DRC12: variants seen among roughly 807,000 people sequenced by gnomAD.
DRC12 encodes the protein dynein regulatory complex subunit 12 homolog.
the DRC12 span, chr11:119,190,702 G>T: frequency 2.5e-6 from 4 of 1,612,300 alleles, no homozygotes; most frequent in Middle Eastern, 1.6e-4. This position sits in a 1 kb window ranked among gnomAD's most constrained non-coding sequence, Gnocchi z 4.2. Context: ...CCAGGGGGTG[G>T]TGCTTACGTG....
At chr11:119,191,104 CTT>C in the DRC12 span, among the ~76,000 whole-genome samples, 117 of 143,334 alleles carry the variant, frequency 8.2e-4, no homozygotes, top group Non-Finnish European at 8.4e-4. Flanking sequence ...GTGTCTTCAT[CTT>C]TTTTTTTTTT....
chr11:119,191,048 G>A, the DRC12 span, among the ~76,000 whole-genome samples: 6 of 152,072 alleles, frequency 3.9e-5, no homozygotes, highest in South Asian at 2.1e-4. Context: ...CTCCAAAGTC[G>A]GATTACTACC....
At chr11:119,193,570 C>T in the DRC12 span, 9 of 1,432,522 alleles carry the variant, frequency 6.3e-6, 1 homozygote, top group South Asian at 1.0e-4. Context: ...CTGGAAGGCC[C>T]CTGCCTGGGA....
the DRC12 span, chr11:119,193,021 G>T: frequency 2.5e-6 from 2 of 791,882 alleles, no homozygotes; most frequent in South Asian, 1.5e-5. Flanking sequence ...GAGGGTCAGC[G>T]AAAGTGGGGA....
the DRC12 span, among the ~76,000 whole-genome samples, chr11:119,191,020 C>T: frequency 1.4e-4 from 22 of 152,188 alleles, no homozygotes; most frequent in African/African-American, 4.3e-4. Context: ...CAGAGAGTGG[C>T]GGGCTTGAGA....
chr11:119,194,920 T>C, the DRC12 span: 3 of 1,550,988 alleles, frequency 1.9e-6, no homozygotes, highest in Non-Finnish European at 2.6e-6. Flanking sequence ...CTACCCTCCT[T>C]ACCCAAGTGG....
chr11:119,194,906 G>C, the DRC12 span: 21 of 1,547,696 alleles, frequency 1.4e-5, no homozygotes, highest in Non-Finnish European at 1.7e-5. Flanking sequence ...ACCCATGCCA[G>C]CTTCTACCCT....
the DRC12 span, among the ~76,000 whole-genome samples, chr11:119,191,170 G>C: frequency 0.065 from 9,775 of 151,138 alleles, 602 homozygotes; most frequent in South Asian, 0.32. Flanking sequence ...CGCGATCTCA[G>C]CTCACTGCAA....
the DRC12 span, chr11:119,190,694 A>AG: frequency 2.4e-5 from 39 of 1,610,118 alleles, no homozygotes; most frequent in South Asian, 4.3e-4. The surrounding 1 kb of genome is among the most constrained non-coding windows in gnomAD (Gnocchi z 4.2). Context: ...GCTGGGATCC[A>AG]GGGGGTGGTG....
At chr11:119,194,930 GTC>G in the DRC12 span, 1 of 1,551,282 alleles carries the variant, frequency 6.4e-7, no homozygotes, top group Non-Finnish European at 8.7e-7. Context: ...TACCCAAGTG[GTC>G]TCGGAGCAGC....
At chr11:119,193,576 TG>T in the DRC12 span, 1 of 1,434,312 alleles carries the variant, frequency 7.0e-7, no homozygotes, top group Non-Finnish European at 9.1e-7. Flanking sequence ...GGCCCCTGCC[TG>T]GGATCCCAGG....
Sources: gnomAD v4.1 joint callset for allele counts (sites outside exome capture counted in the v4.1 genomes callset) on GRCh38, gnomAD v4.1.1 for gene constraint, Gnocchi (gnomAD v3.1) non-coding constraint, MANE v1.5 for transcripts, NCBI Gene and HGNC (gene_info 2026-07-23, HGNC 2026-07-21) for gene names.